Variants in EYS observed in about 807,000 individuals in gnomAD.
EYS encodes EGF-like photoreceptor maintenance factor, also known as protein eyes shut homolog.
Under a neutral mutation model 282.1 loss-of-function variants are expected in EYS, and 250 were observed. The observed-to-expected ratio is 0.89, with a 90% CI of 0.80 to 0.98. EYS has a LOEUF of 0.98. Ranked by LOEUF, EYS falls within the 50% of genes least tolerant of loss-of-function variation. EYS has a pLI of 0.00. For missense variants in EYS, 4,016 were observed against 3,709.0 expected, an observed-to-expected ratio of 1.08 and a Z score of -2.15; for synonymous variants, 1,355 against 1,282.9, an observed-to-expected ratio of 1.06 and a Z score of -1.20.
chr6:64,757,877 C>G (rs1273571941), intron 22 of EYS, among the ~76,000 whole-genome samples: 3 of 151,968 alleles, frequency 2.0e-5, no homozygotes, highest in Non-Finnish European at 4.4e-5. Flanking sequence ...CTTCGCCTCC[C>G]GGCTTCACGC....
intron 40 of EYS, among the ~76,000 whole-genome samples, chr6:63,763,909 A>G (rs1257365152): frequency 5.1e-5 from 7 of 137,082 alleles, no homozygotes; most frequent in African/African-American, 2.0e-4. Flanking sequence ...TATTTGATAA[A>G]CTGTTGTTTG....
At chr6:64,234,111 T>C (rs1279884197) in intron 30 of EYS, among the ~76,000 whole-genome samples, 3 of 152,110 alleles carry the variant, frequency 2.0e-5, no homozygotes, top group Non-Finnish European at 1.5e-5. Context: ...AAACAAACGC[T>C]GCCAGAAGAC....
intron 36 of EYS, among the ~76,000 whole-genome samples, chr6:63,840,074 G>A (rs1465557758): frequency 6.9e-6 from 1 of 144,806 alleles, no homozygotes; most frequent in East Asian, 2.0e-4. Context: ...TTGAGACGGA[G>A]TCTCGCTTTG....
intron 28 of EYS, among the ~76,000 whole-genome samples, chr6:64,434,868 G>T (rs1774686755): frequency 6.6e-6 from 1 of 152,010 alleles, no homozygotes; most frequent in South Asian, 2.1e-4. Context: ...CCTGAGGCCA[G>T]AACAGCTTCT....
At chr6:65,504,326 T>TATATATA (rs1562227336) in intron 2 of EYS, among the ~76,000 whole-genome samples, 7 of 151,712 alleles carry the variant, frequency 4.6e-5, no homozygotes, top group African/African-American at 1.4e-4. Flanking sequence ...TACTGACTTA[T>TATATATA]TTAAGGCATT....
intron 28 of EYS, among the ~76,000 whole-genome samples, chr6:64,393,103 G>T (rs1265139754): frequency 6.6e-6 from 1 of 152,162 alleles, no homozygotes; most frequent in Non-Finnish European, 1.5e-5. Flanking sequence ...TCTCTGAATA[G>T]ACCAATAGCA....
intron 30 of EYS, 104 bp from the exon 31 acceptor site, chr6:64,230,928 A>G (rs1178096975): frequency 3.2e-6 from 2 of 627,694 alleles, no homozygotes; most frequent in Non-Finnish European, 5.5e-6. Context: ...AAATGAAACC[A>G]ATACTGATCA....
chr6:64,429,631 G>A (rs1176568315), intron 28 of EYS, among the ~76,000 whole-genome samples: 1 of 152,048 alleles, frequency 6.6e-6, no homozygotes, highest in South Asian at 2.1e-4. Context: ...ATTCTTTCTT[G>A]AGACCCTGTC....
intron 2 of EYS, among the ~76,000 whole-genome samples, chr6:65,626,119 TATC>T (rs3049846): frequency 1.3e-4 from 20 of 152,266 alleles, no homozygotes; most frequent in South Asian, 4.1e-4. Context: ...GTTCCACAAA[TATC>T]ATCTCCTATA....
At chr6:65,333,206 C>A (rs1237871719) in intron 11 of EYS, among the ~76,000 whole-genome samples, 1 of 151,502 alleles carries the variant, frequency 6.6e-6, no homozygotes, top group African/African-American at 2.4e-5. Context: ...CGCAGCACTG[C>A]ATCACCCACA....
At chr6:64,805,852 A>G (rs1466157742) in intron 22 of EYS, among the ~76,000 whole-genome samples, 3 of 151,568 alleles carry the variant, frequency 2.0e-5, no homozygotes, top group African/African-American at 7.2e-5. Flanking sequence ...TTGAAATTCT[A>G]GTAATTTTAT....
chr6:63,875,059 AG>A (rs1423980859), intron 35 of EYS, among the ~76,000 whole-genome samples: 3 of 152,168 alleles, frequency 2.0e-5, no homozygotes, highest in African/African-American at 4.8e-5. Flanking sequence ...CAGTTTTCAA[AG>A]GGAATGCTTC....
chr6:64,984,661 T>C (rs1770791605), intron 14 of EYS, among the ~76,000 whole-genome samples: 1 of 151,422 alleles, frequency 6.6e-6, no homozygotes, highest in Non-Finnish European at 1.5e-5. Flanking sequence ...CTATTTTAAA[T>C]TGTAAATTTA....
intron 33 of EYS, among the ~76,000 whole-genome samples, chr6:64,002,394 C>T (rs1768138609): frequency 6.6e-6 from 1 of 152,214 alleles, no homozygotes; most frequent in Non-Finnish European, 1.5e-5. Context: ...ACACTGGCCC[C>T]CTGCCCTTGC....
In EYS at chr6:65,121,049, T is replaced by C. The variant is rs1045678692; in HGVS notation, c.2024-63322A>G. Among the ~76,000 whole-genome samples, 3 of 152,056 alleles carry C rather than the reference T, an allele frequency of 2.0e-5. No homozygotes were observed. The East Asian group carries it at 5.8e-4, about 29-fold the overall frequency. On this transcript the variant is annotated intron_variant, in intron 12 of 42. Coordinates refer to ENST00000503581, the MANE Select transcript of EYS (RefSeq NM_001142800.2). ...GCCATCATTTCCTGAATTCATTATG[T>C]CCCTGAGCATTTTGACTCTACTACT...
chr6:65,266,033 T>A (rs979039098), intron 12 of EYS, among the ~76,000 whole-genome samples: 5 of 151,460 alleles, frequency 3.3e-5, no homozygotes, highest in African/African-American at 1.2e-4. Context: ...AAAAAATATG[T>A]TTGCCTTGTA....
At chr6:63,782,953 CTT>C (rs370852211) in intron 39 of EYS, among the ~76,000 whole-genome samples, 6 of 139,326 alleles carry the variant, frequency 4.3e-5, no homozygotes, top group Admixed American at 1.4e-4. Context: ...TGCAGTATAG[CTT>C]TTTTTTTTTT....
chr6:65,054,778 T>C (rs1439897221), intron 13 of EYS, among the ~76,000 whole-genome samples: 1 of 152,112 alleles, frequency 6.6e-6, no homozygotes, highest in Non-Finnish European at 1.5e-5. Context: ...CGTGTTAATG[T>C]ACCATATAAA....
chr6:65,366,303 T>C (rs1451236337), intron 8 of EYS, among the ~76,000 whole-genome samples: 1 of 151,696 alleles, frequency 6.6e-6, no homozygotes, highest in Non-Finnish European at 1.5e-5. Flanking sequence ...CATGTCAAGG[T>C]AAATGCAGAA....
Sources: allele counts gnomAD v4.1 joint callset (sites outside exome capture counted in the v4.1 genomes callset), GRCh38; gene constraint gnomAD v4.1.1; transcripts MANE v1.5; gene names NCBI Gene and HGNC (gene_info 2026-07-23, HGNC 2026-07-21).